Variants in TANC2 observed in about 807,000 individuals in gnomAD.
The protein encoded by TANC2 is tetratricopeptide repeat, ankyrin repeat and coiled-coil containing 2, also known as protein TANC2.
TANC2 carries 26 observed loss-of-function variants against 210.5 expected under a neutral mutation model. The observed-to-expected ratio is 0.12, with a 90% confidence interval of 0.09 to 0.17. The LOEUF (loss-of-function observed/expected upper bound fraction) is 0.17, where lower values mean the gene tolerates loss of function less well. Among genes scored for constraint, TANC2 ranks in the 10% least tolerant of loss-of-function variants. TANC2 has a pLI of 1.00. For synonymous variants in TANC2, 931 were observed against 967.1 expected, an observed-to-expected ratio of 0.96 and a Z score of 0.69; for missense variants, 2,129 against 2,608.9, an observed-to-expected ratio of 0.82 and a Z score of 4.01.
At chr17:63,122,715 G>C (rs974315628) in intron 4 of TANC2, among the ~76,000 whole-genome samples, 2 of 152,118 alleles carry the variant, frequency 1.3e-5, no homozygotes, top group African/African-American at 2.4e-5. Flanking sequence ...CTGGGCGACA[G>C]AGTGAGACTG....
intron 11 of TANC2, among the ~76,000 whole-genome samples, chr17:63,329,424 A>G (rs1050167827): frequency 6.6e-6 from 1 of 152,074 alleles, no homozygotes; most frequent in Non-Finnish European, 1.5e-5. Flanking sequence ...CAATACTGAG[A>G]TACCAGTTTT....
In TANC2 at chr17:63,395,717, A is replaced by T. The variant is rs773638476; in HGVS notation, c.3052-26A>T. 21 of 1,608,378 alleles carry T rather than the reference A, an allele frequency of 1.3e-5. No homozygotes were observed. The African/African-American group carries it at 2.7e-4, about 20-fold the overall frequency. On this transcript the variant is annotated intron_variant, in intron 17 of 27. Coordinates refer to ENST00000689528, the Ensembl canonical transcript of TANC2. ...AGCTCAGCCACAAGTCTGTGTTCAC[A>T]CATATCTCCTGTCCTCTCCTCTTAG...
intron 11 of TANC2, among the ~76,000 whole-genome samples, chr17:63,337,931 C>A (rs2046092254): frequency 6.6e-6 from 1 of 152,166 alleles, no homozygotes; most frequent in African/African-American, 2.4e-5. Flanking sequence ...CATCCGTGTT[C>A]CTGAGGAGGA....
intron 1 of TANC2, chr17:62,968,510 T>C (rs2031493975): frequency 6.6e-6 from 1 of 152,208 alleles, no homozygotes; most frequent in African/African-American, 2.4e-5. Flanking sequence ...CTTGAGAAGC[T>C]GTTGGGGCTG....
At chr17:63,128,513 A>C (rs1368166238) in intron 4 of TANC2, among the ~76,000 whole-genome samples, 1 of 152,254 alleles carries the variant, frequency 6.6e-6, no homozygotes, top group Non-Finnish European at 1.5e-5. Flanking sequence ...AGTTTACACA[A>C]AAAAGAAAAG....
intron 1 of TANC2, among the ~76,000 whole-genome samples, chr17:62,969,652 A>G (rs2031573296): frequency 6.6e-6 from 1 of 152,102 alleles, no homozygotes; most frequent in Non-Finnish European, 1.5e-5. Flanking sequence ...GTTTGAAGGG[A>G]ACTTCAGAGG....
chr17:63,189,403 A>C (rs941007496), intron 5 of TANC2, among the ~76,000 whole-genome samples: 2 of 152,198 alleles, frequency 1.3e-5, no homozygotes, highest in African/African-American at 2.4e-5. Flanking sequence ...AGGTTCCAAT[A>C]AATTTCACTA....
chr17:63,308,802 C>T (rs909053955), intron 9 of TANC2, among the ~76,000 whole-genome samples: 2 of 151,916 alleles, frequency 1.3e-5, no homozygotes, highest in African/African-American at 2.4e-5. Flanking sequence ...AAAATATTTG[C>T]TTATTTTGTC....
chr17:63,340,585 T>G (rs1374056747), intron 12 of TANC2, among the ~76,000 whole-genome samples: 2 of 152,222 alleles, frequency 1.3e-5, no homozygotes, highest in Admixed American at 1.3e-4. Flanking sequence ...TTCCTTGTCC[T>G]GAAGATAGTA....
intron 3 of TANC2, among the ~76,000 whole-genome samples, chr17:63,096,504 T>C (rs2037392308): frequency 6.6e-6 from 1 of 152,176 alleles, no homozygotes; most frequent in Non-Finnish European, 1.5e-5. Flanking sequence ...ATAATACAAA[T>C]GTGGTCTTTT....
At chr17:63,185,481 C>A (rs1447928322) in intron 5 of TANC2, among the ~76,000 whole-genome samples, 1 of 151,968 alleles carries the variant, frequency 6.6e-6, no homozygotes, top group Middle Eastern at 3.2e-3. Context: ...TATACTTTTC[C>A]TTTTTTTTAT....
chr17:62,990,706 G>A (rs894676626), intron 1 of TANC2, among the ~76,000 whole-genome samples: 5 of 152,094 alleles, frequency 3.3e-5, no homozygotes, highest in Non-Finnish European at 7.4e-5. Flanking sequence ...AGTGGGAGTG[G>A]GATACAGAGC....
intron 17 of TANC2, chr17:63,389,829 G>GA: frequency 2.6e-6 from 1 of 391,682 alleles, no homozygotes; most frequent in East Asian, 5.6e-5. Flanking sequence ...ATTGAGCTCA[G>GA]AAGAAGCCTC....
chr17:63,385,963 C>T (rs563708936), intron 15 of TANC2, among the ~76,000 whole-genome samples: 50 of 152,202 alleles, frequency 3.3e-4, no homozygotes, highest in African/African-American at 1.2e-3. Context: ...TAGAATGGAA[C>T]GAGAGGATAC....
At chr17:63,154,154 T>A (rs1387142837) in intron 5 of TANC2, 2 of 152,162 alleles carry the variant, frequency 1.3e-5, no homozygotes, top group East Asian at 3.8e-4. Context: ...TAATCGATGG[T>A]GTTAAGTAAA....
At chr17:63,344,383 T>C (rs536979797) in intron 12 of TANC2, among the ~76,000 whole-genome samples, 1 of 152,264 alleles carries the variant, frequency 6.6e-6, no homozygotes, top group African/African-American at 2.4e-5. Flanking sequence ...ACTCCAAAAA[T>C]ACATGTAGTG....
At chr17:63,089,479 A>G (rs1555778516) in intron 3 of TANC2, among the ~76,000 whole-genome samples, 2 of 152,166 alleles carry the variant, frequency 1.3e-5, no homozygotes, top group Non-Finnish European at 1.5e-5. Flanking sequence ...TTGGAAGGGG[A>G]GGAGGTAAGA....
At chr17:63,398,538 A>G (rs1159811645) in intron 18 of TANC2, among the ~76,000 whole-genome samples, 1 of 152,112 alleles carries the variant, frequency 6.6e-6, no homozygotes, top group East Asian at 1.9e-4. Context: ...AGGAGGAAGG[A>G]TTGCTTCTTT....
At chr17:63,139,473 A>G (rs562348171) in intron 4 of TANC2, among the ~76,000 whole-genome samples, 1 of 152,292 alleles carries the variant, frequency 6.6e-6, no homozygotes, top group East Asian at 1.9e-4. Flanking sequence ...TAAAAATACA[A>G]AAAAATTAAT....
Sources: allele counts gnomAD v4.1 joint callset (sites outside exome capture counted in the v4.1 genomes callset), GRCh38; gene constraint gnomAD v4.1.1; transcripts MANE v1.5; gene names NCBI Gene and HGNC (gene_info 2026-07-23, HGNC 2026-07-21).